The following RMND5B variants were observed in gnomAD, a reference collection of about 807,000 sequenced individuals.
The protein encoded by RMND5B is required for meiotic nuclear division 5 homolog B.
RMND5B carries 42 observed loss-of-function variants against 50.4 expected under a neutral mutation model. That is an observed-to-expected ratio of 0.83 (90% CI 0.65 to 1.08). The LOEUF is 1.08. RMND5B is among the 50% of genes least tolerant of loss of function. The pLI is 0.00. For missense variants in RMND5B, 463 were observed against 508.5 expected (o/e 0.91, Z 0.86); for synonymous variants, 220 against 210.0 (o/e 1.05, Z -0.41).
chr5:178,132,870 T>C (rs1476529011), intron 2 of RMND5B, among the ~76,000 whole-genome samples: 1 of 95,300 alleles, frequency 1.0e-5, no homozygotes, highest in Non-Finnish European at 2.0e-5. Flanking sequence ...TTTTTGTTTG[T>C]TTGTTTGTTT....
At chr5:178,132,749 T>TTTTTTTA (rs1758391574) in intron 2 of RMND5B, among the ~76,000 whole-genome samples, 1 of 133,948 alleles carries the variant, frequency 7.5e-6, no homozygotes, top group Non-Finnish European at 1.5e-5. Flanking sequence ...TTTTTTTTTT[T>TTTTTTTA]TTTTTAAGCA....
chr5:178,143,048 G>T, intron 5 of RMND5B, 56 bp downstream of exon 5: 1 of 1,562,878 alleles, frequency 6.4e-7, no homozygotes, highest in East Asian at 2.2e-5. Context: ...TCACCTGCTA[G>T]TTTTCACTGT....
At chr5:178,136,974 G>GAAA (rs1758650990) in intron 2 of RMND5B, among the ~76,000 whole-genome samples, 1 of 152,146 alleles carries the variant, frequency 6.6e-6, no homozygotes, top group Non-Finnish European at 1.5e-5. Flanking sequence ...GGGGAGGCAG[G>GAAA]CCCAGTGACC....
In RMND5B at chr5:178,149,861, GT is replaced by G. The variant is rs1479215907; in HGVS notation, c.*1832del. On this transcript the variant is annotated 3_prime_UTR_variant, in exon 11 of 11. Transcript: ENST00000313386. Reference sequence around the variant, plus strand: ...GTCCTACAGAGGGGAAAGAAGTGCTGTTTGGAAAAAAGCTGTACAACCTGTA... The same window carrying G: ...GTCCTACAGAGGGGAAAGAAGTGCTGTTGGAAAAAAGCTGTACAACCTGTA... 3 of 1,611,460 alleles carry G rather than the reference GT, an allele frequency of 1.9e-6. No individual in the cohort carries two copies. Among genetic ancestry groups the G allele is most frequent in the Non-Finnish European group, 2.5e-6 (3 of 1,178,838 alleles).
chr5:178,139,545 ATT>A (rs35774978), intron 3 of RMND5B, among the ~76,000 whole-genome samples: 1 of 139,784 alleles, frequency 7.2e-6, no homozygotes. Flanking sequence ...TGTCCCAGGA[ATT>A]TTTTTTTTTT....
At position 178,143,673 on chromosome 5, in the gene RMND5B, A is replaced by T; in HGVS notation, c.473A>T (p.Glu158Val). Residue 158 changes from glutamate (E) to valine (V), a missense_variant, in exon 6 of 11, where the codon GAG becomes GTG. Transcript: ENST00000313386. ...TTGGATTTCAAGCAGCCTTTCCTAG[A>T]GTTGAATCGAATCCTGGAAGCCCTG... ...VDLDFKQPFL[E>V]LNRILEALHE... 1.9e-6 allele frequency: 3 copies of T among 1,614,188 alleles called. No individual in the cohort carries two copies. The highest frequency in any genetic ancestry group is 1.6e-4 in the Middle Eastern group (1 of 6,062).
Position 178,138,214 on chromosome 5 carries a change from T to C in RMND5B, c.95T>C (p.Leu32Pro), listed in dbSNP as rs200634220. The stretch of plus-strand genomic sequence containing the variant: ...CACTGTGAGCGGAGCCTGGAGGAGC[T>C]GCTGCACTACGTGGGCCAGCTGCGG... ...GQHCERSLEE[L>P]LHYVGQLRAE... is the part of the protein sequence containing the mutation. Residue 32 changes from leucine (L) to proline (P), a missense_variant, in exon 3 of 11, where the codon CTG becomes CCG. Transcript: ENST00000313386. This position sits in a 1 kb window ranked among gnomAD's most constrained non-coding sequence, Gnocchi z 5.1. 1 of 1,613,994 alleles carries C rather than the reference T, an allele frequency of 6.2e-7. No individual in the cohort carries two copies. The highest frequency in any genetic ancestry group is 8.5e-7 in the Non-Finnish European group (1 of 1,179,974).
Position 178,147,967 on chromosome 5 carries a change from A to G in RMND5B, c.1119-2A>G. 6.2e-7 allele frequency: 1 copy of G among 1,614,056 alleles called. No individual in the cohort carries two copies. The highest frequency in any genetic ancestry group is 2.2e-5 in the East Asian group (1 of 44,868). Reference sequence around the variant, plus strand: ...ACGTTCTCGGTTCTCCTCCCTTTGCAGGCTGAAGTGTCCCTACTGTCCCAT... The same window carrying G: ...ACGTTCTCGGTTCTCCTCCCTTTGCGGGCTGAAGTGTCCCTACTGTCCCAT... On this transcript the variant is annotated splice_acceptor_variant, in intron 10 of 10. Coordinates refer to ENST00000313386, the MANE Select transcript of RMND5B (RefSeq NM_022762.5). LOFTEE classifies it high-confidence loss of function.
Position 178,137,253 on chromosome 5 carries a change from C to T in RMND5B, c.-12-855C>T, listed in dbSNP as rs1184385911. Among the ~76,000 whole-genome samples the T allele has an allele frequency of 6.6e-6, 1 of 152,148 alleles. No individual in the cohort carries two copies. Among genetic ancestry groups the T allele is most frequent in the African/African-American group, 2.4e-5 (1 of 41,426 alleles). The stretch of plus-strand genomic sequence containing the variant: ...AGGCAGGAGTGCTGGGCAAGTCCGT[C>T]AGGCCAGCATGGTTGGCAGTTATTC... On this transcript the variant is annotated intron_variant, in intron 2 of 10. Transcript: ENST00000313386. This position sits in a 1 kb window ranked among gnomAD's most constrained non-coding sequence, Gnocchi z 4.4.
chr5:178,148,423 GC>G lies in RMND5B; in HGVS notation c.*394del. The G allele has an allele frequency of 3.2e-6, 1 of 307,830 alleles. No individual in the cohort carries two copies. The highest frequency in any genetic ancestry group is 6.3e-6 in the Non-Finnish European group (1 of 159,394). 19.1% of individuals were successfully genotyped at this position (307,830 alleles called of 1,614,324 possible). Reference sequence around the variant, plus strand: ...ATGCTATGTCCACCCTTGCCCCTCGGCCCAAGAGTGTCCAGCGGTGGCCCAC... The same window carrying G: ...ATGCTATGTCCACCCTTGCCCCTCGGCCAAGAGTGTCCAGCGGTGGCCCAC... On this transcript the variant is annotated 3_prime_UTR_variant, in exon 11 of 11. Coordinates refer to ENST00000313386, the MANE Select transcript of RMND5B (RefSeq NM_022762.5).
rs115082918 is a variant in RMND5B, at chr5:178,140,288, C to T, written c.139+2030C>T. ...TCCTGGGCTCAAGTGATCCTACCAC[C>T]TCAGCCTCAGAAGTAGCTGGGACCA... On this transcript the variant is annotated intron_variant, in intron 3 of 10. Transcript: ENST00000313386. 3.0e-3 allele frequency among the ~76,000 whole-genome samples: 464 copies of T among 152,166 alleles called. 1 individual carries two copies. The highest frequency in any genetic ancestry group is 0.011 in the African/African-American group (441 of 41,510).
intron 2 of RMND5B, among the ~76,000 whole-genome samples, chr5:178,134,973 C>T (rs1758539349): frequency 1.4e-5 from 1 of 71,610 alleles, no homozygotes; most frequent in Admixed American, 1.7e-4. Flanking sequence ...GCGAGACCGT[C>T]TACAAAAAAA....
intron 2 of RMND5B, chr5:178,136,157 G>A (rs1324277900): frequency 1.3e-5 from 2 of 152,120 alleles, no homozygotes; most frequent in Non-Finnish European, 1.5e-5. Flanking sequence ...GCCTGACCTT[G>A]GGCAACTGAT....
At position 178,142,663 on chromosome 5, in the gene RMND5B, A is replaced by G; in HGVS notation, c.220A>G (p.Lys74Glu). 1.2e-6 allele frequency: 2 copies of G among 1,614,252 alleles called. No individual in the cohort carries two copies. Among genetic ancestry groups the G allele is most frequent in the Non-Finnish European group, 1.7e-6 (2 of 1,180,044 alleles). The change falls in exon 4 of 11, where the codon AAA becomes GAA. Residue 74 changes from lysine to glutamate, a missense_variant. By Grantham distance (56) the Lys-to-Glu change is moderately conservative. Transcript: ENST00000313386. ...CCGGAAGATCAAAGATACGGTGCAG[A>G]AACTGGCTTCGGACCATAAGGACAT... ...CCRKIKDTVQKLASDHKDIHS... is the reference protein window; with the variant it reads ...CCRKIKDTVQELASDHKDIHS...
rs1176570849 is a variant in RMND5B, at chr5:178,146,362, G to A, written c.860+83G>A. 4.4e-6 allele frequency: 6 copies of A among 1,358,314 alleles called. No homozygotes were observed. The African/African-American group carries it at 5.8e-5, about 13-fold the overall frequency. The allele number at this position is 1,358,314 out of a possible 1,614,324, so 84.1% of individuals were successfully genotyped here. ...TTGCCAAGGCCCTGCCATGTGCCAG[G>A]AACAGTGCTCGGTGCTTTCAGAGAC... is the stretch of plus-strand genomic sequence containing the variant. On this transcript the variant is annotated intron_variant, in intron 8 of 10. Coordinates refer to ENST00000313386, the MANE Select transcript of RMND5B (RefSeq NM_022762.5).
At position 178,143,974 on chromosome 5, in the gene RMND5B, A is replaced by C. The variant is rs1211781676; in HGVS notation, c.560A>C (p.Glu187Ala). The C allele has an allele frequency of 2.5e-6, 4 of 1,614,094 alleles. No individual in the cohort carries two copies. The highest frequency in any genetic ancestry group is 3.4e-6 in the Non-Finnish European group (4 of 1,180,036). The change falls in exon 7 of 11, where the codon GAA becomes GCA. Residue 187 changes from glutamate (E) to alanine (A), a missense_variant. Physicochemically the swap from Glu to Ala is moderately radical, Grantham distance 107. Coordinates refer to ENST00000313386, the MANE Select transcript of RMND5B (RefSeq NM_022762.5). The part of the protein sequence containing the change: ...WAVSHRQRLL[E>A]LNSSLEFKLH... Reference sequence around the variant, plus strand: ...GTCTCCCACAGGCAGCGCCTGCTGGAACTCAACAGCTCCCTGGAGTTCAAG... The same window carrying C: ...GTCTCCCACAGGCAGCGCCTGCTGGCACTCAACAGCTCCCTGGAGTTCAAG...
rs61751561 is a variant in RMND5B at position 178,147,560 on chromosome 5, T to C, written c.888T>C (p.Pro296=). The C allele has an allele frequency of 0.045, 73,314 of 1,613,926 alleles. 2,454 individuals are homozygous for C. The highest frequency in any genetic ancestry group is 0.17 in the African/African-American group (12,723 of 74,962). ...TTGCCTCTGGCTGTGTGGCGCTGCC[T>C]GTGTTGATGAACATCAAGGCTGTGA... is the stretch of plus-strand genomic sequence containing the variant. ...VSFASGCVAL[P]VLMNIKAVIE... Residue 296 remains proline, a synonymous_variant, in exon 9 of 11, where the codon CCT becomes CCC. Coordinates refer to ENST00000313386, the MANE Select transcript of RMND5B (RefSeq NM_022762.5).
rs1758718509 is a variant in RMND5B, at chr5:178,138,197, G to A, written c.78G>A (p.Glu26=). Residue 26 remains glutamate, a synonymous_variant, in exon 3 of 11, where the codon GAG becomes GAA. Coordinates refer to ENST00000313386, the MANE Select transcript of RMND5B (RefSeq NM_022762.5). This position sits in a 1 kb window ranked among gnomAD's most constrained non-coding sequence, Gnocchi z 5.1. ...TCCTGACCTACGGGCAGCACTGTGAGCGGAGCCTGGAGGAGCTGCTGCACT... is the reference window on the plus strand; with the variant it reads ...TCCTGACCTACGGGCAGCACTGTGAACGGAGCCTGGAGGAGCTGCTGCACT... The part of the protein sequence containing the change: ...QKFLTYGQHC[E]RSLEELLHYV... The A allele has an allele frequency of 6.2e-7, 1 of 1,614,040 alleles. No individual in the cohort carries two copies. The highest frequency in any genetic ancestry group is 8.5e-7 in the Non-Finnish European group (1 of 1,179,986).
chr5:178,143,828 C>T, intron 6 of RMND5B, 101 bp downstream of exon 6: 1 of 1,465,484 alleles, frequency 6.8e-7, no homozygotes, highest in Admixed American at 1.7e-5. Context: ...CTTGACTTGC[C>T]TGCAGCCCTG....
Sources: gnomAD v4.1 joint callset for allele counts (sites outside exome capture counted in the v4.1 genomes callset) on GRCh38, gnomAD v4.1.1 for gene constraint, Gnocchi (gnomAD v3.1) non-coding constraint, MANE v1.5 for transcripts, NCBI Gene and HGNC (gene_info 2026-07-23, HGNC 2026-07-21) for gene names.